The following BABAM2 variants were observed in gnomAD, a reference collection of about 807,000 sequenced individuals.
BABAM2 encodes BRISC and BRCA1-A complex member 2.
Under a neutral mutation model 54.7 loss-of-function variants are expected in BABAM2, and 31 were observed. The ratio of observed to expected loss-of-function variants is 0.57; its 90% CI spans 0.43 to 0.77. The LOEUF (loss-of-function observed/expected upper bound fraction) is 0.77. BABAM2 is among the 30% of genes least tolerant of loss of function. The probability of loss-of-function intolerance (pLI) is 0.00; values close to 1 mark genes in which losing one functional copy is unlikely to be tolerated. For synonymous variants in BABAM2, 167 were observed against 162.9 expected (o/e 1.03, Z -0.19); for missense variants, 364 against 455.8 (o/e 0.80, Z 1.83).
intron 7 of BABAM2, among the ~76,000 whole-genome samples, chr2:28,210,071 A>G (rs1679302351): frequency 6.6e-6 from 1 of 152,140 alleles, no homozygotes; most frequent in African/African-American, 2.4e-5. Flanking sequence ...TTGAATGTAG[A>G]AGTCCTTAGG....
chr2:28,275,522 G>T (rs1685803681), intron 10 of BABAM2, among the ~76,000 whole-genome samples: 1 of 152,232 alleles, frequency 6.6e-6, no homozygotes, highest in South Asian at 2.1e-4. Flanking sequence ...AGACCAGCAG[G>T]CAGGCCTCGG....
intron 6 of BABAM2, among the ~76,000 whole-genome samples, chr2:28,072,730 G>A (rs1664281160): frequency 6.6e-6 from 1 of 152,284 alleles, no homozygotes; most frequent in South Asian, 2.1e-4. Context: ...TACAGTTTAG[G>A]CTCTTGGTAT....
intron 5 of BABAM2, 97 bp downstream of exon 5, chr2:28,025,517 A>G: frequency 8.3e-7 from 1 of 1,211,866 alleles, no homozygotes; most frequent in South Asian, 1.8e-5. Context: ...TTCTTTAGAT[A>G]AACATGGTCC....
At chr2:27,986,307 T>C (rs1672393543) in intron 3 of BABAM2, among the ~76,000 whole-genome samples, 1 of 152,110 alleles carries the variant, frequency 6.6e-6, no homozygotes, top group African/African-American at 2.4e-5. Context: ...TTAAAAGGTA[T>C]GATAATGATT....
intron 7 of BABAM2, among the ~76,000 whole-genome samples, chr2:28,212,785 C>A (rs563196960): frequency 4.6e-5 from 7 of 152,116 alleles, no homozygotes; most frequent in Non-Finnish European, 8.8e-5. Context: ...TGACACTTAA[C>A]AATGTTATTG....
intron 6 of BABAM2, among the ~76,000 whole-genome samples, chr2:28,088,067 G>A (rs1014904518): frequency 2.0e-5 from 3 of 152,128 alleles, no homozygotes; most frequent in African/African-American, 7.2e-5. Flanking sequence ...AACAGAATTT[G>A]TACCATAAAT....
intron 5 of BABAM2, among the ~76,000 whole-genome samples, chr2:28,041,987 T>C (rs543438823): frequency 2.3e-4 from 35 of 152,240 alleles, no homozygotes; most frequent in African/African-American, 7.5e-4. Flanking sequence ...GGACTCAGGA[T>C]ATATTTTGAA....
chr2:28,078,493 C>T (rs1259123289), intron 6 of BABAM2, among the ~76,000 whole-genome samples: 1 of 152,056 alleles, frequency 6.6e-6, no homozygotes, highest in Non-Finnish European at 1.5e-5. Context: ...AAGAATGAAT[C>T]ATCTATCCAT....
chr2:28,096,356 A>G (rs1490391977), intron 6 of BABAM2, among the ~76,000 whole-genome samples: 2 of 147,992 alleles, frequency 1.4e-5, no homozygotes, highest in African/African-American at 5.1e-5. Flanking sequence ...AGTTACAACA[A>G]TTTTAGGTAT....
intron 7 of BABAM2, among the ~76,000 whole-genome samples, chr2:28,231,924 C>T (rs1681443524): frequency 6.7e-6 from 1 of 149,178 alleles, no homozygotes; most frequent in Admixed American, 6.7e-5. Flanking sequence ...CCTCTTGCCT[C>T]AGGCTCCTGA....
At chr2:28,309,497 A>G (rs1046722637) in intron 11 of BABAM2, 2 of 152,284 alleles carry the variant, frequency 1.3e-5, no homozygotes, top group African/African-American at 4.8e-5. Flanking sequence ...TACGTGGGAT[A>G]ATGTCAGTGA....
chr2:28,268,295 C>T (rs1467261221), intron 10 of BABAM2, among the ~76,000 whole-genome samples: 1 of 152,108 alleles, frequency 6.6e-6, no homozygotes, highest in Non-Finnish European at 1.5e-5. Flanking sequence ...GACTCAGTCT[C>T]TAAAAAACAA....
chr2:27,976,010 C>G (rs1671575302), intron 3 of BABAM2, among the ~76,000 whole-genome samples: 1 of 151,992 alleles, frequency 6.6e-6, no homozygotes, highest in Non-Finnish European at 1.5e-5. Flanking sequence ...CCATGATGTA[C>G]CTGTTAGAAT....
intron 11 of BABAM2, among the ~76,000 whole-genome samples, chr2:28,317,343 G>A (rs1689644005): frequency 6.6e-6 from 1 of 152,136 alleles, no homozygotes. Flanking sequence ...CAGGGCGTAG[G>A]TTCAAGCAGA....
At chr2:28,272,784 TCC>T (rs920882022) in intron 10 of BABAM2, among the ~76,000 whole-genome samples, 3 of 152,138 alleles carry the variant, frequency 2.0e-5, no homozygotes, top group African/African-American at 7.2e-5. Context: ...GATAGGGACT[TCC>T]GAGGGTTCTG....
Position 28,011,273 on chromosome 2 carries a change from T to C in BABAM2, c.301-13953T>C, listed in dbSNP as rs551257122. Among the ~76,000 whole-genome samples the C allele has an allele frequency of 1.8e-3, 274 of 152,334 alleles. 2 individuals are homozygous for C. Among genetic ancestry groups the C allele is most frequent in the African/African-American group, 6.5e-3 (271 of 41,584 alleles). On this transcript the variant is annotated intron_variant, in intron 4 of 11. Coordinates refer to ENST00000379624, the MANE Select transcript of BABAM2 (RefSeq NM_199191.3). ...GTTTTTAGGGAGAAGAGTAAAGACA[T>C]TGAAAGCTCTTTAGTATCCCGTGTA...
intron 4 of BABAM2, among the ~76,000 whole-genome samples, chr2:28,016,832 A>G (rs990198477): frequency 1.3e-5 from 2 of 152,220 alleles, no homozygotes; most frequent in African/African-American, 4.8e-5. Flanking sequence ...TCTTGTCTCC[A>G]CTTCATTTTG....
chr2:28,223,118 C>G (rs1367517282), intron 7 of BABAM2, among the ~76,000 whole-genome samples: 2 of 152,198 alleles, frequency 1.3e-5, no homozygotes, highest in Non-Finnish European at 2.9e-5. Flanking sequence ...ATTAACAGAA[C>G]TGAACTCCCA....
intron 5 of BABAM2, among the ~76,000 whole-genome samples, chr2:28,039,724 G>T (rs1189139058): frequency 1.3e-5 from 2 of 152,240 alleles, no homozygotes; most frequent in Non-Finnish European, 2.9e-5. Context: ...AACTGTCACA[G>T]CTGTGATTAC....
Sources: gnomAD v4.1 joint callset for allele counts (sites outside exome capture counted in the v4.1 genomes callset) on GRCh38, gnomAD v4.1.1 for gene constraint, MANE v1.5 for transcripts, NCBI Gene and HGNC (gene_info 2026-07-23, HGNC 2026-07-21) for gene names.